Variants in CFAP61 observed in about 807,000 individuals in gnomAD.
CFAP61 encodes the protein cilia and flagella associated protein 61, also known as cilia- and flagella-associated protein 61.
A neutral mutation model predicts 135.6 loss-of-function variants in CFAP61; 107 were observed. The observed-to-expected ratio is 0.79, with a 90% confidence interval of 0.67 to 0.93. The LOEUF is 0.93. Among genes scored for constraint, CFAP61 ranks in the 40% least tolerant of loss-of-function variants. CFAP61 has a pLI of 0.00. For synonymous variants in CFAP61, 575 were observed against 578.5 expected (o/e 0.99, Z 0.09); for missense variants, 1,507 against 1,556.2 (o/e 0.97, Z 0.53).
chr20:20,162,854 A>ACAG (rs1156389847), intron 10 of CFAP61, among the ~76,000 whole-genome samples: 1 of 151,818 alleles, frequency 6.6e-6, no homozygotes, highest in Non-Finnish European at 1.5e-5. Flanking sequence ...TTGCTCAGCA[A>ACAG]CAACAGAACT....
intron 17 of CFAP61, among the ~76,000 whole-genome samples, chr20:20,222,313 A>C (rs1386174740): frequency 6.6e-6 from 1 of 152,202 alleles, no homozygotes; most frequent in Non-Finnish European, 1.5e-5. Context: ...TGAAAAGAGA[A>C]ATATAAGAAA....
intron 8 of CFAP61, among the ~76,000 whole-genome samples, chr20:20,125,421 A>G (rs2049994392): frequency 6.6e-6 from 1 of 151,528 alleles, no homozygotes; most frequent in African/African-American, 2.4e-5. Context: ...TTGTATCATT[A>G]TTGTCTTTCA....
chr20:20,310,553 C>T (rs2056759473), intron 25 of CFAP61, among the ~76,000 whole-genome samples: 1 of 152,158 alleles, frequency 6.6e-6, no homozygotes, highest in African/African-American at 2.4e-5. Context: ...CTGGTTTAAA[C>T]AGAAAGCAAT....
rs577992147 is a variant in CFAP61, at chr20:20,271,166, C to T, written c.2504-6000C>T. On this transcript the variant is annotated intron_variant, in intron 21 of 26. Transcript: ENST00000245957. ...TAAAAACTAGCCAGGCATAGTGGCA[C>T]GTGGCTGTAGTCCCAACTACTCAAG... 5.3e-5 allele frequency among the ~76,000 whole-genome samples: 8 copies of T among 152,086 alleles called. No homozygotes were observed. In the East Asian group the frequency reaches 1.4e-3, roughly 26 times the overall value.
chr20:20,331,257 T>G (rs2057980577), intron 25 of CFAP61, among the ~76,000 whole-genome samples: 1 of 152,206 alleles, frequency 6.6e-6, no homozygotes, highest in Admixed American at 6.5e-5. Flanking sequence ...CACTCTTCTG[T>G]GGGTTGTAAT....
chr20:20,129,326 A>C (rs896895735), intron 8 of CFAP61, among the ~76,000 whole-genome samples: 1 of 151,842 alleles, frequency 6.6e-6, no homozygotes, highest in Non-Finnish European at 1.5e-5. Flanking sequence ...TTAAAGGACA[A>C]GTTTGCTGGA....
chr20:20,165,816 A>C (rs544836805), intron 11 of CFAP61, among the ~76,000 whole-genome samples: 2 of 152,150 alleles, frequency 1.3e-5, no homozygotes, highest in South Asian at 4.1e-4. Context: ...TTTAGCTTCT[A>C]TGGAGATCTG....
At chr20:20,341,746 T>C in intron 25 of CFAP61, 85 bp from the exon 26 acceptor site, 1 of 964,732 alleles carries the variant, frequency 1.0e-6, no homozygotes, top group African/African-American at 1.6e-5. Flanking sequence ...GAACTGTAAT[T>C]TATAAAGGCA....
At chr20:20,129,078 A>G (rs2050302874) in intron 8 of CFAP61, among the ~76,000 whole-genome samples, 1 of 151,498 alleles carries the variant, frequency 6.6e-6, no homozygotes, top group Non-Finnish European at 1.5e-5. Flanking sequence ...TTCATACTAG[A>G]GTTATGAATA....
chr20:20,160,838 GCAGCCAT>G (rs1479856859), intron 10 of CFAP61, among the ~76,000 whole-genome samples: 1 of 152,214 alleles, frequency 6.6e-6, no homozygotes, highest in Non-Finnish European at 1.5e-5. Context: ...GTTTGGGGAA[GCAGCCAT>G]CAGCCAGTGA....
chr20:20,328,614 A>G (rs181195455), intron 25 of CFAP61, among the ~76,000 whole-genome samples: 221 of 152,350 alleles, frequency 1.5e-3, no homozygotes, highest in African/African-American at 4.9e-3. Context: ...GAAATGAGAG[A>G]AAGTATTTGC....
rs760193944 is a variant in CFAP61, at chr20:20,169,304, G to T, written c.1246-17G>T. On this transcript the variant is annotated splice_polypyrimidine_tract_variant and intron_variant, in intron 12 of 26. Coordinates refer to ENST00000245957, the MANE Select transcript of CFAP61 (RefSeq NM_015585.4). ...TTTTTTATTCTTTCTCTGTGTCCTG[G>T]TTTTTGATGATGTTAGGATAAGAAC... is the stretch of plus-strand genomic sequence containing the variant. The T allele has an allele frequency of 6.2e-7, 1 of 1,602,318 alleles. No homozygotes were observed. The highest frequency in any genetic ancestry group is 2.2e-5 in the East Asian group (1 of 44,660).
chr20:20,190,602 C>T (rs11907365), intron 14 of CFAP61, among the ~76,000 whole-genome samples: 1 of 151,718 alleles, frequency 6.6e-6, no homozygotes, highest in South Asian at 2.1e-4. Flanking sequence ...ACACACACCC[C>T]CACAATTGTA....
intron 10 of CFAP61, among the ~76,000 whole-genome samples, chr20:20,163,615 A>T (rs1264775627): frequency 2.7e-5 from 4 of 150,060 alleles, no homozygotes; most frequent in Non-Finnish European, 5.9e-5. Context: ...ATTATTTTTT[A>T]AATTTTATTT....
Position 20,090,993 on chromosome 20 carries a change from T to C in CFAP61, c.699+17T>C. 2 of 1,613,724 alleles carry C rather than the reference T, an allele frequency of 1.2e-6. No individual in the cohort carries two copies. Among genetic ancestry groups the C allele is most frequent in the South Asian group, 1.1e-5 (1 of 91,018 alleles). On this transcript the variant is annotated intron_variant, in intron 7 of 26. Coordinates refer to ENST00000245957, the MANE Select transcript of CFAP61 (RefSeq NM_015585.4). ...GTGTGTGAGGTCAGTGACTGATTCA[T>C]GTGGGAACACACTTAGTGAGAGGAA... is the stretch of plus-strand genomic sequence containing the variant.
At chr20:20,079,214 C>T (rs73901397) in intron 6 of CFAP61, among the ~76,000 whole-genome samples, 14,119 of 152,138 alleles carry the variant, frequency 0.093, 2,237 homozygotes, top group African/African-American at 0.32. Context: ...TGAACTCTGC[C>T]TTCCTCAGGA....
intron 7 of CFAP61, among the ~76,000 whole-genome samples, chr20:20,096,331 C>T (rs1568891309): frequency 6.6e-6 from 1 of 152,198 alleles, no homozygotes; most frequent in Non-Finnish European, 1.5e-5. Flanking sequence ...TAAATTGTTA[C>T]AACCCTGGAT....
chr20:20,062,453 TTACCTC>T (rs1357327723), intron 2 of CFAP61, among the ~76,000 whole-genome samples: 2 of 152,126 alleles, frequency 1.3e-5, no homozygotes, highest in African/African-American at 4.8e-5. Context: ...AGTTCAGAGT[TTACCTC>T]TAAGAGCAAG....
chr20:20,127,638 G>A (rs1248873889), intron 8 of CFAP61, among the ~76,000 whole-genome samples: 5 of 150,462 alleles, frequency 3.3e-5, no homozygotes, highest in Non-Finnish European at 5.9e-5. Flanking sequence ...TGGTGGTGGG[G>A]TCGGGGTGGG....
Sources: gnomAD v4.1 joint callset for allele counts (sites outside exome capture counted in the v4.1 genomes callset) on GRCh38, gnomAD v4.1.1 for gene constraint, MANE v1.5 for transcripts, NCBI Gene and HGNC (gene_info 2026-07-23, HGNC 2026-07-21) for gene names.